SEPTIN9: variants seen among roughly 807,000 people sequenced by gnomAD.
The protein encoded by SEPTIN9 is septin 9.
SEPTIN9 carries 13 observed loss-of-function variants against 56.6 expected under a neutral mutation model. The ratio of observed to expected loss-of-function variants is 0.23; its 90% CI spans 0.15 to 0.37. The LOEUF is 0.37. SEPTIN9 is among the 10% of genes least tolerant of loss of function. SEPTIN9 has a pLI of 1.00. For synonymous variants in SEPTIN9, 332 were observed against 334.1 expected (o/e 0.99, Z 0.07); for missense variants, 650 against 823.1 (o/e 0.79, Z 2.57).
chr17:77,368,591 C>T lies in SEPTIN9; in HGVS notation c.77-33468C>T, dbSNP rs539755469. ...CCTTCCAAAGTGCTGGGATTACAGG[C>T]GTGAGCCATGGTGGCTGGCCAAAAA... On this transcript the variant is annotated intron_variant, in intron 2 of 11. Transcript: ENST00000427177. 6.6e-5 allele frequency among the ~76,000 whole-genome samples: 10 copies of T among 152,162 alleles called. No homozygotes were observed. In the East Asian group the frequency reaches 1.9e-3, roughly 29 times the overall value.
At chr17:77,412,723 CT>C (rs1206697476) in intron 3 of SEPTIN9, among the ~76,000 whole-genome samples, 3 of 149,548 alleles carry the variant, frequency 2.0e-5, no homozygotes, top group Non-Finnish European at 4.4e-5. Flanking sequence ...GAGATCCTGT[CT>C]AAAAAAAAAA....
At chr17:77,495,926 G>A (rs988955480) in intron 10 of SEPTIN9, among the ~76,000 whole-genome samples, 1 of 152,248 alleles carries the variant, frequency 6.6e-6, no homozygotes, top group African/African-American at 2.4e-5. Flanking sequence ...GGAGCCAGGT[G>A]TATGGGTTCT....
At chr17:77,396,117 A>G (rs1019667426) in intron 2 of SEPTIN9, among the ~76,000 whole-genome samples, 7 of 152,152 alleles carry the variant, frequency 4.6e-5, no homozygotes, top group African/African-American at 1.4e-4. Context: ...ATGGCTGGCA[A>G]AGGTGGGAAC....
intron 2 of SEPTIN9, among the ~76,000 whole-genome samples, chr17:77,370,831 T>A (rs2034698828): frequency 6.6e-6 from 1 of 152,170 alleles, no homozygotes. Context: ...ATTAAAATCC[T>A]GGAGCCCCAG....
intron 2 of SEPTIN9, among the ~76,000 whole-genome samples, chr17:77,315,517 A>AC (rs1473510598): frequency 6.6e-6 from 1 of 151,964 alleles, no homozygotes; most frequent in Non-Finnish European, 1.5e-5. Flanking sequence ...GGAACCCCTG[A>AC]CCTTGTGATC....
In SEPTIN9 at chr17:77,453,473, C is replaced by T. The variant is rs1212002343; in HGVS notation, c.722-28671C>T. The stretch of plus-strand genomic sequence containing the variant: ...ATACTGGCTAATCCGGGCATGGTGG[C>T]GCGTGCCTGTAATGGCAGCTACTCG... On this transcript the variant is annotated intron_variant, in intron 3 of 11. Transcript: ENST00000427177. The surrounding 1 kb of genome is among the most constrained non-coding windows in gnomAD (Gnocchi z 4.4). 3.9e-5 allele frequency among the ~76,000 whole-genome samples: 6 copies of T among 152,166 alleles called. No homozygotes were observed. Among genetic ancestry groups the T allele is most frequent in the Admixed American group, 2.0e-4 (3 of 15,274 alleles).
At chr17:77,303,261 C>T (rs967226433) in intron 1 of SEPTIN9, among the ~76,000 whole-genome samples, 9 of 151,562 alleles carry the variant, frequency 5.9e-5, no homozygotes, top group East Asian at 2.0e-4. Context: ...CCACCACGCC[C>T]GGCTAATTTT....
At chr17:77,385,083 A>G (rs2035285923) in intron 2 of SEPTIN9, among the ~76,000 whole-genome samples, 1 of 152,058 alleles carries the variant, frequency 6.6e-6, no homozygotes, top group African/African-American at 2.4e-5. Flanking sequence ...CGTAATCCCA[A>G]CACTCTGGGA....
chr17:77,365,217 C>T (rs975214917), intron 2 of SEPTIN9, among the ~76,000 whole-genome samples: 2 of 152,144 alleles, frequency 1.3e-5, no homozygotes, highest in Non-Finnish European at 2.9e-5. Context: ...AGTGGATATG[C>T]GCTCCTGTAG....
chr17:77,450,487 C>T lies in SEPTIN9; in HGVS notation c.722-31657C>T. On this transcript the variant is annotated intron_variant, in intron 3 of 11. Transcript: ENST00000427177. This position sits in a 1 kb window ranked among gnomAD's most constrained non-coding sequence, Gnocchi z 6.0. The stretch of plus-strand genomic sequence containing the variant: ...CGGAACGAGCCCACTCCCAGGCGCT[C>T]TCTCCTAGTGTGGGAGTGGCCACGC... The T allele has an allele frequency of 1.0e-6, 1 of 985,442 alleles. No individual in the cohort carries two copies. Among genetic ancestry groups the T allele is most frequent in the Non-Finnish European group, 1.2e-6 (1 of 829,938 alleles). 61.0% of individuals were successfully genotyped at this position (985,442 alleles called of 1,614,324 possible). A position where few individuals can be genotyped will look rare whatever the true frequency, so the allele number is the denominator to read the frequency against.
intron 1 of SEPTIN9, among the ~76,000 whole-genome samples, chr17:77,297,888 G>A (rs2031885376): frequency 6.6e-6 from 1 of 152,210 alleles, no homozygotes; most frequent in African/African-American, 2.4e-5. Flanking sequence ...AGTGGTGAGG[G>A]GTCACAGAGA....
At chr17:77,314,072 A>T (rs935319642) in intron 2 of SEPTIN9, among the ~76,000 whole-genome samples, 3 of 152,154 alleles carry the variant, frequency 2.0e-5, no homozygotes, top group South Asian at 4.1e-4. Context: ...GTGGTGGTAC[A>T]GCCCTGTAGT....
At chr17:77,289,053 G>T (rs1377641511) in intron 1 of SEPTIN9, among the ~76,000 whole-genome samples, 1 of 152,146 alleles carries the variant, frequency 6.6e-6, no homozygotes, top group Non-Finnish European at 1.5e-5. Flanking sequence ...TTTAACTGCC[G>T]GGACTTTGTA....
At chr17:77,497,141 T>C (rs545757671) in intron 10 of SEPTIN9, 174 bp from the exon 11 acceptor site, 152 of 691,476 alleles carry the variant, frequency 2.2e-4, no homozygotes, top group Non-Finnish European at 3.5e-4. Flanking sequence ...CTGAGGGCAG[T>C]GCCAGGTGTC....
intron 1 of SEPTIN9, among the ~76,000 whole-genome samples, chr17:77,285,253 T>C (rs938313922): frequency 6.6e-6 from 1 of 151,962 alleles, no homozygotes; most frequent in African/African-American, 2.4e-5. Flanking sequence ...CACATGGAAC[T>C]TGCCGTCATT....
At chr17:77,422,192 G>A (rs918173346) in intron 3 of SEPTIN9, among the ~76,000 whole-genome samples, 3 of 152,194 alleles carry the variant, frequency 2.0e-5, no homozygotes, top group Admixed American at 2.0e-4. Context: ...GCCCTTCCCA[G>A]GTGCAGGACC....
intron 3 of SEPTIN9, chr17:77,419,845 A>G (rs2036636066): frequency 6.6e-6 from 1 of 152,280 alleles, no homozygotes; most frequent in Admixed American, 6.5e-5. Context: ...GCCCGTGTGT[A>G]TTTCAGGAGG....
At chr17:77,482,019 C>A in intron 3 of SEPTIN9, 125 bp from the exon 4 acceptor site, 1 of 916,522 alleles carries the variant, frequency 1.1e-6, no homozygotes, top group Non-Finnish European at 1.6e-6. Flanking sequence ...CTGGGCAAGT[C>A]GCTTAGCCTT....
At chr17:77,441,886 G>T (rs2144345418) in intron 3 of SEPTIN9, among the ~76,000 whole-genome samples, 1 of 152,276 alleles carries the variant, frequency 6.6e-6, no homozygotes, top group African/African-American at 2.4e-5. Flanking sequence ...GGTCCAAATT[G>T]CCGGCTGTGG....
Sources: allele counts gnomAD v4.1 joint callset (sites outside exome capture counted in the v4.1 genomes callset), GRCh38; gene constraint gnomAD v4.1.1; non-coding constraint Gnocchi (gnomAD v3.1); transcripts MANE v1.5; gene names NCBI Gene and HGNC (gene_info 2026-07-23, HGNC 2026-07-21).